The following FAR1 variants were observed in gnomAD, a reference collection of about 807,000 sequenced individuals.
FAR1 encodes the protein fatty acyl-CoA reductase 1.
Under a neutral mutation model 61.1 loss-of-function variants are expected in FAR1, and 22 were observed. The ratio of observed to expected loss-of-function variants is 0.36; its 90% CI spans 0.26 to 0.51. The LOEUF is 0.51. FAR1 is among the 20% of genes least tolerant of loss of function. The pLI is 0.95. For missense variants in FAR1, 359 were observed against 626.9 expected, an observed-to-expected ratio of 0.57 and a Z score of 4.56; for synonymous variants, 206 against 209.7, an observed-to-expected ratio of 0.98 and a Z score of 0.15.
At chr11:13,690,102 C>A (rs1203366460) in intron 1 of FAR1, among the ~76,000 whole-genome samples, 2 of 152,056 alleles carry the variant, frequency 1.3e-5, no homozygotes, top group Admixed American at 1.3e-4. Flanking sequence ...TCTCTGAACT[C>A]CTGACCTCAG....
intron 9 of FAR1, among the ~76,000 whole-genome samples, chr11:13,718,307 A>C (rs1013140223): frequency 1.3e-5 from 2 of 152,116 alleles, no homozygotes; most frequent in African/African-American, 4.8e-5. Flanking sequence ...ATTCCACTCA[A>C]ATAGTTCATT....
chr11:13,692,613 CTA>C (rs1848262600), intron 1 of FAR1, among the ~76,000 whole-genome samples: 1 of 152,226 alleles, frequency 6.6e-6, no homozygotes, highest in Admixed American at 6.5e-5. Context: ...AAATTTTTCA[CTA>C]TTTCTTATTG....
At position 13,714,585 on chromosome 11, in the gene FAR1, C is replaced by T. The variant is rs1464037251; in HGVS notation, c.1032C>T (p.Ser344=). 1.2e-6 allele frequency: 2 copies of T among 1,613,540 alleles called. No individual in the cohort carries two copies. The highest frequency in any genetic ancestry group is 1.7e-6 in the Non-Finnish European group (2 of 1,179,678). Residue 344 remains serine, a synonymous_variant, in exon 9 of 12, where the codon TCC becomes TCT. Transcript: ENST00000354817. The stretch of plus-strand genomic sequence containing the variant: ...GACGGCCCAATGTAAATCTAACCTC[C>T]AATCATCTTTTATATCATTACTGGA... ...AFRRPNVNLT[S]NHLLYHYWIA... is the part of the protein sequence containing the mutation.
chr11:13,697,598 T>A (rs1274079286), intron 2 of FAR1, among the ~76,000 whole-genome samples: 1 of 151,978 alleles, frequency 6.6e-6, no homozygotes, highest in Non-Finnish European at 1.5e-5. Flanking sequence ...CCAGAAAAGA[T>A]GGTATTGAGT....
chr11:13,710,547 AGACT>A (rs1848486613), intron 4 of FAR1, 142 bp from the exon 5 acceptor site: 1 of 629,246 alleles, frequency 1.6e-6, no homozygotes, highest in South Asian at 2.8e-5. Context: ...AAGAAAAATA[AGACT>A]AAGTTCCATT....
At chr11:13,717,232 T>G (rs983010150) in intron 9 of FAR1, among the ~76,000 whole-genome samples, 7 of 151,848 alleles carry the variant, frequency 4.6e-5, no homozygotes, top group Admixed American at 4.6e-4. Flanking sequence ...CTAAATCTGG[T>G]CAATTGGCGG....
rs886526990 is a variant in FAR1 at position 13,698,606 on chromosome 11, G to C, written c.190-1711G>C. Among the ~76,000 whole-genome samples the C allele has an allele frequency of 2.6e-5, 4 of 152,074 alleles. No homozygotes were observed. In the East Asian group the frequency reaches 7.7e-4, roughly 29 times the overall value. On this transcript the variant is annotated intron_variant, in intron 2 of 11. Coordinates refer to ENST00000354817, the MANE Select transcript of FAR1 (RefSeq NM_032228.6). ...AGCGCTTTGGGAGGTCAAGGTGGGG[G>C]GATCATGAGGTCAGGAGATCGACAC...
At chr11:13,699,462 T>TG (rs1179545695) in intron 2 of FAR1, among the ~76,000 whole-genome samples, 1 of 152,182 alleles carries the variant, frequency 6.6e-6, no homozygotes, top group Non-Finnish European at 1.5e-5. Flanking sequence ...CATCCAGGAA[T>TG]GTGGAAGTGA....
intron 3 of FAR1, among the ~76,000 whole-genome samples, chr11:13,703,163 T>A (rs1318033272): frequency 6.6e-6 from 1 of 151,810 alleles, no homozygotes; most frequent in Non-Finnish European, 1.5e-5. Context: ...TATGAAAGAA[T>A]TACTGTTTGT....
chr11:13,690,957 A>T (rs1848242818), intron 1 of FAR1, among the ~76,000 whole-genome samples: 1 of 152,202 alleles, frequency 6.6e-6, no homozygotes, highest in Admixed American at 6.5e-5. Flanking sequence ...ATGGTTTTTT[A>T]AAAAATAATT....
chr11:13,677,582 C>T (rs115810333), intron 1 of FAR1, among the ~76,000 whole-genome samples: 1,877 of 152,228 alleles, frequency 0.012, 37 homozygotes, highest in African/African-American at 0.042. Context: ...TGACTGATCC[C>T]GATTCTGAGT....
intron 1 of FAR1, chr11:13,670,246 C>G (rs1313896286): frequency 1.3e-5 from 2 of 151,872 alleles, no homozygotes; most frequent in Non-Finnish European, 2.9e-5. Flanking sequence ...TTATTCCATA[C>G]ATTTTCCATA....
intron 4 of FAR1, among the ~76,000 whole-genome samples, chr11:13,709,985 C>G (rs547113558): frequency 6.6e-6 from 1 of 152,168 alleles, no homozygotes; most frequent in African/African-American, 2.4e-5. Context: ...TAGACCATTT[C>G]TTCAAAGAGA....
chr11:13,705,495 A>T (rs1283509129), intron 3 of FAR1, among the ~76,000 whole-genome samples: 2 of 152,192 alleles, frequency 1.3e-5, no homozygotes, highest in African/African-American at 4.8e-5. Context: ...ATCCTCAGGG[A>T]CATGTAACAG....
intron 1 of FAR1, among the ~76,000 whole-genome samples, chr11:13,688,081 C>T (rs1848208852): frequency 6.6e-6 from 1 of 151,470 alleles, no homozygotes; most frequent in Non-Finnish European, 1.5e-5. Context: ...CACATATACC[C>T]TAAAACTTAA....
chr11:13,700,632 A>C, intron 3 of FAR1, 140 bp downstream of exon 3: 1 of 451,246 alleles, frequency 2.2e-6, no homozygotes, highest in East Asian at 3.7e-5. Flanking sequence ...TCAGTGTCCT[A>C]CAGAGTGTTA....
chr11:13,706,661 A>C (rs1848436423), intron 3 of FAR1, among the ~76,000 whole-genome samples: 1 of 151,784 alleles, frequency 6.6e-6, no homozygotes, highest in Non-Finnish European at 1.5e-5. Context: ...ATTTTTAAAA[A>C]TAACAATATA....
chr11:13,683,347 C>G (rs1040931504), intron 1 of FAR1, among the ~76,000 whole-genome samples: 6 of 150,040 alleles, frequency 4.0e-5, no homozygotes, highest in African/African-American at 1.5e-4. Context: ...GAGCCGAGAT[C>G]ACACCACTGC....
chr11:13,701,083 C>T (rs1376990735), intron 3 of FAR1, among the ~76,000 whole-genome samples: 2 of 151,990 alleles, frequency 1.3e-5, no homozygotes, highest in Admixed American at 1.3e-4. Flanking sequence ...AATGAGTATG[C>T]ATTTCAAATA....
Sources: allele counts gnomAD v4.1 joint callset (sites outside exome capture counted in the v4.1 genomes callset), GRCh38; gene constraint gnomAD v4.1.1; transcripts MANE v1.5; gene names NCBI Gene and HGNC (gene_info 2026-07-23, HGNC 2026-07-21).